CDKL5: variants seen among roughly 807,000 people sequenced by gnomAD.
CDKL5 encodes cyclin-dependent kinase-like 5.
A neutral mutation model predicts 61.7 loss-of-function variants in CDKL5; 8 were observed. The ratio of observed to expected loss-of-function variants is 0.13; its 90% CI spans 0.08 to 0.23. The LOEUF (loss-of-function observed/expected upper bound fraction) is 0.23. Among genes scored for constraint, CDKL5 ranks in the 10% least tolerant of loss-of-function variants. The pLI is 1.00. For synonymous variants in CDKL5, 275 were observed against 272.3 expected (o/e 1.01, Z -0.10); for missense variants, 440 against 734.5 (o/e 0.60, Z 4.63).
At chrX:18,564,404 C>T in intron 3 of CDKL5, 73 bp from the exon 4 acceptor site, 1 of 692,217 alleles carries the variant, frequency 1.4e-6, no homozygotes, top group Non-Finnish European at 2.3e-6. Context: ...CAGAATATAC[C>T]CCCAGGCAAC....
At chrX:18,453,733 C>A (rs1318100399) in intron 1 of CDKL5, among the ~76,000 whole-genome samples, 2 of 111,467 alleles carry the variant, frequency 1.8e-5, no homozygotes, top group Admixed American at 1.9e-4. Flanking sequence ...CATACTTTGA[C>A]TTATTTCCTA....
intron 1 of CDKL5, among the ~76,000 whole-genome samples, chrX:18,433,636 C>T (rs983825653): frequency 8.9e-6 from 1 of 112,596 alleles, no homozygotes; most frequent in African/African-American, 3.2e-5. Context: ...TAATACATAG[C>T]GGAATTTAAA....
chrX:18,596,907 A>G (rs751874580), intron 10 of CDKL5, among the ~76,000 whole-genome samples: 3 of 112,569 alleles, frequency 2.7e-5, no homozygotes, highest in South Asian at 3.7e-4. Flanking sequence ...TAGAAGTTAA[A>G]CATTCAAATT....
intron 3 of CDKL5, among the ~76,000 whole-genome samples, chrX:18,533,815 T>A (rs1923730066): frequency 8.9e-6 from 1 of 111,783 alleles, no homozygotes; most frequent in African/African-American, 3.3e-5. Context: ...ATTCTTGACA[T>A]CCCTTACTTT....
chrX:18,587,156 C>T (rs186945211), intron 8 of CDKL5, among the ~76,000 whole-genome samples: 31 of 110,940 alleles, frequency 2.8e-4, no homozygotes, highest in African/African-American at 6.9e-4. Flanking sequence ...TGTGTGTGAG[C>T]GTGCACGCGT....
chrX:18,566,643 A>C (rs1197024126), intron 4 of CDKL5, among the ~76,000 whole-genome samples: 1 of 111,985 alleles, frequency 8.9e-6, no homozygotes, highest in Non-Finnish European at 1.9e-5. Flanking sequence ...GGATACTTTC[A>C]AGAAGCATAT....
chrX:18,565,022 A>G (rs1346652741), intron 4 of CDKL5, among the ~76,000 whole-genome samples: 1 of 111,912 alleles, frequency 8.9e-6, no homozygotes, highest in Non-Finnish European at 1.9e-5. Context: ...CATTGAGAGA[A>G]TAAAAGCTTT....
chrX:18,648,888 G>T (rs1379583510), intron 20 of CDKL5, among the ~76,000 whole-genome samples: 1 of 109,639 alleles, frequency 9.1e-6, no homozygotes, highest in East Asian at 2.9e-4. Context: ...ACCAGCCTGG[G>T]GCAACATAGG....
chrX:18,467,215 C>T, intron 1 of CDKL5, among the ~76,000 whole-genome samples: 1 of 110,703 alleles, frequency 9.0e-6, no homozygotes, highest in East Asian at 2.9e-4. Flanking sequence ...GACCAACCAG[C>T]AGATTCATTC....
At chrX:18,493,437 C>T (rs1922060327) in intron 1 of CDKL5, among the ~76,000 whole-genome samples, 1 of 112,079 alleles carries the variant, frequency 8.9e-6, no homozygotes, top group Non-Finnish European at 1.9e-5. Flanking sequence ...ACTGTTTTGC[C>T]CTTTCTGGAA....
intron 3 of CDKL5, among the ~76,000 whole-genome samples, chrX:18,561,548 G>A (rs1455205433): frequency 3.6e-5 from 4 of 110,968 alleles, no homozygotes; most frequent in Non-Finnish European, 7.6e-5. Flanking sequence ...AAGAATCAGT[G>A]TCAATAACCT....
chrX:18,553,604 C>T (rs1169776783), intron 3 of CDKL5, among the ~76,000 whole-genome samples: 6 of 110,279 alleles, frequency 5.4e-5, no homozygotes, highest in African/African-American at 2.0e-4. Flanking sequence ...GCGATTCTCA[C>T]GTCTCAGCCT....
chrX:18,522,005 A>G (rs748469747), intron 3 of CDKL5, among the ~76,000 whole-genome samples: 89 of 111,720 alleles, frequency 8.0e-4, no homozygotes, highest in African/African-American at 2.8e-3. Context: ...CTTTTTCAAT[A>G]CTATTTTGTC....
intron 1 of CDKL5, among the ~76,000 whole-genome samples, chrX:18,492,885 C>T (rs530225016): frequency 9.0e-6 from 1 of 111,384 alleles, no homozygotes; most frequent in South Asian, 3.8e-4. Context: ...CTGAATCCAC[C>T]CCTCCTATTC....
At chrX:18,645,586 ATTC>A (rs1927738911) in intron 19 of CDKL5, among the ~76,000 whole-genome samples, 1 of 109,777 alleles carries the variant, frequency 9.1e-6, no homozygotes, top group Non-Finnish European at 1.9e-5. Context: ...AGTGCCTCAA[ATTC>A]TTCTACTTCT....
chrX:18,612,394 G>A (rs758108311), intron 14 of CDKL5, among the ~76,000 whole-genome samples: 27 of 111,343 alleles, frequency 2.4e-4, no homozygotes, highest in Non-Finnish European at 4.7e-4. Context: ...CTGGCCGGGC[G>A]CGGTGGTTCA....
Position 18,581,921 on chromosome X carries a change from A to G in CDKL5, c.434A>G (p.His145Arg). 8.3e-7 allele frequency: 1 copy of G among 1,198,884 alleles called. No homozygotes were observed. Among genetic ancestry groups the G allele is most frequent in the Non-Finnish European group, 1.1e-6 (1 of 884,443 alleles). ...DIKPENLLIS[H>R]NDVLKLCDFG... Reference sequence around the variant, plus strand: ...AAACCAGAAAATCTCTTAATCAGCCACAATGATGTCCTAAAACTGTGTGAC... The same window carrying G: ...AAACCAGAAAATCTCTTAATCAGCCGCAATGATGTCCTAAAACTGTGTGAC... Residue 145 changes from histidine to arginine, a missense_variant, in exon 7 of 18, where the codon CAC (histidine) becomes CGC (arginine). His to Arg is a conservative substitution (Grantham distance 29). Around this residue, in one of 2 missense-constraint regions of CDKL5, gnomAD observed 77 missense variants for 218.2 expected, o/e 0.35. Coordinates refer to ENST00000623535, the MANE Select transcript of CDKL5 (RefSeq NM_001323289.2).
chrX:18,469,537 A>G (rs1337029675), intron 1 of CDKL5, among the ~76,000 whole-genome samples: 1 of 105,699 alleles, frequency 9.5e-6, no homozygotes, highest in Non-Finnish European at 1.9e-5. Flanking sequence ...AATTTCAGCT[A>G]CTCGGGAGGC....
intron 20 of CDKL5, among the ~76,000 whole-genome samples, chrX:18,648,108 A>G (rs1474915667): frequency 9.0e-6 from 1 of 111,324 alleles, no homozygotes; most frequent in Non-Finnish European, 1.9e-5. Context: ...AGGCTGAGGC[A>G]GGAGAATCGC....
Sources: gnomAD v4.1 joint callset for allele counts (sites outside exome capture counted in the v4.1 genomes callset) on GRCh38, gnomAD v4.1.1 for gene constraint, gnomAD v4.1.1 regional missense constraint, MANE v1.5 for transcripts, NCBI Gene and HGNC (gene_info 2026-07-23, HGNC 2026-07-21) for gene names.